The following ARHGEF10L variants were observed in gnomAD, a reference collection of about 807,000 sequenced individuals.
ARHGEF10L encodes the protein rho guanine nucleotide exchange factor 10-like protein.
In ARHGEF10L, 69 loss-of-function variants were observed where a neutral mutation model predicts 141.2. The ratio of observed to expected loss-of-function variants is 0.49; its 90% CI spans 0.40 to 0.60. ARHGEF10L has a LOEUF of 0.60. Ranked by LOEUF, ARHGEF10L falls within the 20% of genes least tolerant of loss-of-function variation. The probability of loss-of-function intolerance (pLI) is 0.00; values close to 1 mark genes in which losing one functional copy is unlikely to be tolerated. For missense variants in ARHGEF10L, 1,482 were observed against 1,734.3 expected, an observed-to-expected ratio of 0.85 and a Z score of 2.58; for synonymous variants, 711 against 718.5, an observed-to-expected ratio of 0.99 and a Z score of 0.17.
chr1:17,604,606 G>C (rs2081000650), intron 6 of ARHGEF10L: 1 of 152,366 alleles, frequency 6.6e-6, no homozygotes, highest in Admixed American at 6.5e-5. Context: ...GGCAAGGCCC[G>C]AGGGCCCCAG....
upstream of ARHGEF10L, among the ~76,000 whole-genome samples, chr1:17,538,644 T>C (rs953841488): frequency 1.3e-5 from 2 of 151,946 alleles, no homozygotes; most frequent in African/African-American, 2.4e-5. Flanking sequence ...TCTGGTTCTT[T>C]GTCTCACTGG....
intron 1 of ARHGEF10L, among the ~76,000 whole-genome samples, chr1:17,545,034 A>G (rs1423649376): frequency 6.6e-6 from 1 of 152,102 alleles, no homozygotes; most frequent in Non-Finnish European, 1.5e-5. Context: ...TGCAGGGATT[A>G]TGGGAGCTAC....
At chr1:17,530,143 C>T in the ARHGEF10L span, among the ~76,000 whole-genome samples, 1 of 152,036 alleles carries the variant, frequency 6.6e-6, no homozygotes, top group African/African-American at 2.4e-5. Context: ...ACACAGCAGT[C>T]TTGTTTCCTT....
At chr1:17,540,122 G>A (rs1462735222) in intron 1 of ARHGEF10L, among the ~76,000 whole-genome samples, 172 bp downstream of exon 1, 1 of 152,052 alleles carries the variant, frequency 6.6e-6, no homozygotes, top group Non-Finnish European at 1.5e-5. Flanking sequence ...GGGTGTGAGA[G>A]CCCCGAGCCC....
intron 7 of ARHGEF10L, among the ~76,000 whole-genome samples, chr1:17,608,656 G>A (rs1043621365): frequency 7.9e-5 from 12 of 152,178 alleles, no homozygotes; most frequent in Non-Finnish European, 1.8e-4. Context: ...CTTCCCTGTT[G>A]TTCTGCGGAA....
chr1:17,665,851 G>C (rs982950843), intron 26 of ARHGEF10L, among the ~76,000 whole-genome samples: 1 of 152,152 alleles, frequency 6.6e-6, no homozygotes, highest in Non-Finnish European at 1.5e-5. Flanking sequence ...AGCATCTGTG[G>C]ACAGCAAGCT....
At chr1:17,695,339 G>A in intron 28 of ARHGEF10L, 59 bp downstream of exon 28, 1 of 1,528,768 alleles carries the variant, frequency 6.5e-7, no homozygotes, top group Non-Finnish European at 8.8e-7. Flanking sequence ...GTGGCCAGTG[G>A]GGCTTGGCGG....
intron 26 of ARHGEF10L, among the ~76,000 whole-genome samples, chr1:17,676,720 C>T (rs2063748670): frequency 6.6e-6 from 1 of 151,974 alleles, no homozygotes; most frequent in South Asian, 2.1e-4. Context: ...CCCCAGGCTG[C>T]ACTTGGTCGA....
At chr1:17,663,762 C>A (rs1012722676) in intron 25 of ARHGEF10L, among the ~76,000 whole-genome samples, 3 of 152,152 alleles carry the variant, frequency 2.0e-5, no homozygotes, top group Non-Finnish European at 4.4e-5. Context: ...CCCCATTTTA[C>A]AGATGGGGAA....
intron 26 of ARHGEF10L, among the ~76,000 whole-genome samples, chr1:17,670,644 ACCCTGGCTTGTGGGAGGACAACAGT>A (rs1211017200): frequency 6.6e-6 from 1 of 152,188 alleles, no homozygotes; most frequent in Non-Finnish European, 1.5e-5. Context: ...CGTCTCTGCC[ACCCTGGCTTGTGGGAGGACAACAGT>A]AGTGACAGCG....
chr1:17,670,070 T>C (rs940392040), intron 26 of ARHGEF10L, among the ~76,000 whole-genome samples: 1 of 152,166 alleles, frequency 6.6e-6, no homozygotes, highest in Non-Finnish European at 1.5e-5. Context: ...GGGGAAGTGA[T>C]GTTCTGGCCA....
intron 22 of ARHGEF10L, among the ~76,000 whole-genome samples, chr1:17,650,004 T>C (rs1336707213): frequency 6.6e-6 from 1 of 152,152 alleles, no homozygotes; most frequent in Non-Finnish European, 1.5e-5. Context: ...CTCAGAGCAG[T>C]AAAAAGCCTT....
intron 25 of ARHGEF10L, among the ~76,000 whole-genome samples, chr1:17,661,503 T>C (rs1224639969): frequency 6.6e-6 from 1 of 152,216 alleles, no homozygotes; most frequent in Admixed American, 6.5e-5. Flanking sequence ...ATGGCATTCA[T>C]GCAGTCCTTA....
chr1:17,618,810 A>G (rs904087771), intron 9 of ARHGEF10L, among the ~76,000 whole-genome samples: 2 of 151,464 alleles, frequency 1.3e-5, no homozygotes, highest in Non-Finnish European at 2.9e-5. Flanking sequence ...AGCTCCACTC[A>G]CTCCTGGGAT....
At position 17,634,797 on chromosome 1, in the gene ARHGEF10L, G is replaced by T. The variant is rs772286888; in HGVS notation, c.1746-38G>T. The T allele has an allele frequency of 1.9e-5, 30 of 1,569,502 alleles. No homozygotes were observed. The South Asian group carries it at 3.5e-4, about 18-fold the overall frequency. ...GGGCCAGCCCTGGGGCAGGGTGGCT[G>T]CAGCCTCTCCAGGGCCTTGTCCTCT... On this transcript the variant is annotated intron_variant, in intron 17 of 28. Coordinates refer to ENST00000361221, the MANE Select transcript of ARHGEF10L (RefSeq NM_018125.4).
intron 4 of ARHGEF10L, among the ~76,000 whole-genome samples, chr1:17,590,651 G>A (rs1345858347): frequency 6.6e-6 from 1 of 152,152 alleles, no homozygotes; most frequent in Non-Finnish European, 1.5e-5. Flanking sequence ...ATGGACAGAA[G>A]GACAAGGAGG....
chr1:17,647,546 A>G (rs1264276522), intron 21 of ARHGEF10L, among the ~76,000 whole-genome samples: 2 of 152,044 alleles, frequency 1.3e-5, no homozygotes, highest in Non-Finnish European at 2.9e-5. Flanking sequence ...CCTTTTATTC[A>G]TTCTTTCCAG....
intron 1 of ARHGEF10L, among the ~76,000 whole-genome samples, chr1:17,541,243 C>G (rs904700844): frequency 1.3e-5 from 2 of 152,158 alleles, no homozygotes; most frequent in Admixed American, 6.5e-5. Flanking sequence ...ATTTCTCACT[C>G]GGGAGCTACT....
Position 17,604,945 on chromosome 1 carries a change from G to T in ARHGEF10L, c.433+1354G>T, listed in dbSNP as rs560075126. ...AGGATGTGGCATGTTCATGGCCTGG[G>T]TGTCACACAGCCTGTGTTTGCACCC... On this transcript the variant is annotated intron_variant, in intron 6 of 28. Transcript: ENST00000361221. 2.6e-5 allele frequency: 4 copies of T among 152,366 alleles called. No individual in the cohort carries two copies. In the East Asian group the frequency reaches 5.8e-4, roughly 22 times the overall value. 9.4% of individuals were successfully genotyped at this position (152,366 alleles called of 1,614,324 possible).
Sources: allele counts gnomAD v4.1 joint callset (sites outside exome capture counted in the v4.1 genomes callset), GRCh38; gene constraint gnomAD v4.1.1; transcripts MANE v1.5; gene names NCBI Gene and HGNC (gene_info 2026-07-23, HGNC 2026-07-21).